Variants in COLEC10 observed in about 807,000 individuals in gnomAD.
The protein encoded by COLEC10 is collectin-10.
In COLEC10, 22 loss-of-function variants were observed where a neutral mutation model predicts 28.4. That is an observed-to-expected ratio of 0.78 (90% CI 0.55 to 1.11). COLEC10 has a LOEUF of 1.11. Ranked by LOEUF, COLEC10 falls within the 50% of genes least tolerant of loss-of-function variation. The probability of loss-of-function intolerance (pLI) is 0.00; values close to 1 mark genes in which losing one functional copy is unlikely to be tolerated. For missense variants in COLEC10, 361 were observed against 344.1 expected (o/e 1.05, Z -0.39); for synonymous variants, 125 against 116.1 (o/e 1.08, Z -0.49).
At chr8:119,077,058 T>TG (rs1182677027) in intron 1 of COLEC10, among the ~76,000 whole-genome samples, 1 of 152,144 alleles carries the variant, frequency 6.6e-6, no homozygotes, top group Non-Finnish European at 1.5e-5. Flanking sequence ...ATGTCACCAA[T>TG]GATTCTGGGG....
the COLEC10 span, among the ~76,000 whole-genome samples, chr8:118,988,582 G>A: frequency 1.3e-5 from 2 of 152,162 alleles, no homozygotes; most frequent in Admixed American, 6.6e-5. Flanking sequence ...AAACATCTGT[G>A]AAGGTCACTG....
intron 2 of COLEC10, among the ~76,000 whole-genome samples, chr8:119,010,690 C>T (rs1309795859): frequency 1.3e-5 from 2 of 151,100 alleles, no homozygotes; most frequent in African/African-American, 2.5e-5. Flanking sequence ...TGGATTTCAT[C>T]CATTCAAATG....
chr8:119,003,647 G>C (rs1813739046), intron 1 of COLEC10, among the ~76,000 whole-genome samples: 1 of 152,012 alleles, frequency 6.6e-6, no homozygotes, highest in Admixed American at 6.6e-5. Context: ...TTGGAAAGCA[G>C]AGTGGAATTA....
chr8:118,968,583 A>ATG, the COLEC10 span, among the ~76,000 whole-genome samples: 2 of 151,446 alleles, frequency 1.3e-5, no homozygotes, highest in African/African-American at 4.9e-5. Context: ...ACATATATAT[A>ATG]TGTGTGTATA....
chr8:119,021,743 C>T (rs967190674), intron 2 of COLEC10, among the ~76,000 whole-genome samples: 2 of 152,084 alleles, frequency 1.3e-5, no homozygotes, highest in Non-Finnish European at 2.9e-5. Context: ...GCCTGGCCCT[C>T]GTAGTAAAAA....
chr8:118,963,104 A>T, the COLEC10 span, among the ~76,000 whole-genome samples: 1 of 152,198 alleles, frequency 6.6e-6, no homozygotes, highest in East Asian at 1.9e-4. Flanking sequence ...TGGCAAGTCA[A>T]GGTGGAAAGT....
At chr8:118,966,464 T>C in the COLEC10 span, among the ~76,000 whole-genome samples, 4 of 152,138 alleles carry the variant, frequency 2.6e-5, no homozygotes, top group African/African-American at 7.2e-5. Flanking sequence ...TTATTTTACA[T>C]AATTTTGTAT....
chr8:119,074,519 C>T (rs1815187917), intron 1 of COLEC10, among the ~76,000 whole-genome samples: 1 of 152,130 alleles, frequency 6.6e-6, no homozygotes, highest in African/African-American at 2.4e-5. Flanking sequence ...TAGTATATAG[C>T]TTACCTATCA....
At chr8:119,062,077 C>A (rs1814865517) in intron 2 of COLEC10, among the ~76,000 whole-genome samples, 2 of 152,070 alleles carry the variant, frequency 1.3e-5, no homozygotes, top group Admixed American at 1.3e-4. Context: ...ACAATGTAAT[C>A]ATAATGTACT....
chr8:118,981,394 A>C, the COLEC10 span, among the ~76,000 whole-genome samples: 11 of 152,106 alleles, frequency 7.2e-5, no homozygotes, highest in Non-Finnish European at 1.3e-4. Context: ...TGTTTAAAAA[A>C]ATTTATCAAT....
the COLEC10 span, among the ~76,000 whole-genome samples, chr8:118,956,525 A>G: frequency 1.3e-5 from 2 of 152,088 alleles, no homozygotes; most frequent in Non-Finnish European, 2.9e-5. Context: ...AAGAGATACA[A>G]CCTCTTGCTT....
chr8:119,032,860 C>T (rs1814316416), intron 2 of COLEC10, among the ~76,000 whole-genome samples: 1 of 152,352 alleles, frequency 6.6e-6, no homozygotes, highest in South Asian at 2.1e-4. Flanking sequence ...TGAGATCGCG[C>T]CTCTGCACCG....
chr8:119,007,213 A>G (rs769277111), intron 1 of COLEC10, among the ~76,000 whole-genome samples: 1 of 152,114 alleles, frequency 6.6e-6, no homozygotes, highest in Non-Finnish European at 1.5e-5. Context: ...CTACTTTGAT[A>G]TAGCCTGGCA....
the COLEC10 span, among the ~76,000 whole-genome samples, chr8:118,983,708 A>G: frequency 1.3e-5 from 2 of 152,202 alleles, no homozygotes; most frequent in Non-Finnish European, 2.9e-5. Context: ...GAAGACTTAC[A>G]TGCAGCCAAC....
chr8:119,090,321 A>G (rs73327229), intron 2 of COLEC10, among the ~76,000 whole-genome samples: 1 of 152,186 alleles, frequency 6.6e-6, no homozygotes, highest in Non-Finnish European at 1.5e-5. Flanking sequence ...TTCACTCACA[A>G]AGTTGGGAGT....
rs73327229 is a variant in COLEC10 at position 119,090,321 on chromosome 8, A to C, written c.220+570A>C. Among the ~76,000 whole-genome samples the C allele has an allele frequency of 2.1e-3, 321 of 152,302 alleles. 1 individual carries two copies. Among genetic ancestry groups the C allele is most frequent in the African/African-American group, 7.3e-3 (304 of 41,566 alleles). ...TGATTAGGAAGTGTCTTCACTCACA[A>C]AGTTGGGAGTTGGCCTCACCAAAAT... On this transcript the variant is annotated intron_variant, in intron 2 of 5. Transcript: ENST00000332843.
chr8:118,995,339 T>G (rs1445514375), upstream of COLEC10: 1 of 152,180 alleles, frequency 6.6e-6, no homozygotes, highest in Non-Finnish European at 1.5e-5. Flanking sequence ...TCTGTATTTT[T>G]TCCCTCTCTC....
the COLEC10 span, among the ~76,000 whole-genome samples, chr8:118,955,351 C>CTCACTTTCTGATGAAGAAAGATG: frequency 1.3e-5 from 2 of 152,146 alleles, no homozygotes; most frequent in Non-Finnish European, 2.9e-5. Flanking sequence ...ATCTAGCTGA[C>CTCACTTTCTGATGAAGAAAGATG]TCACTTTCTG....
chr8:119,090,644 C>T (rs1187450143), intron 2 of COLEC10, among the ~76,000 whole-genome samples: 2 of 152,094 alleles, frequency 1.3e-5, no homozygotes, highest in African/African-American at 4.8e-5. Context: ...GATTCCTAAC[C>T]ATAGTTTTTT....
Sources: allele counts gnomAD v4.1 joint callset (sites outside exome capture counted in the v4.1 genomes callset), GRCh38; gene constraint gnomAD v4.1.1; transcripts MANE v1.5; gene names NCBI Gene and HGNC (gene_info 2026-07-23, HGNC 2026-07-21).